SPINDOC: variants seen among roughly 807,000 people sequenced by gnomAD.
SPINDOC encodes spindlin interactor and repressor of chromatin binding, also known as spindlin interactor and repressor of chromatin-binding protein.
SPINDOC carries 13 observed loss-of-function variants against 30.7 expected under a neutral mutation model. The observed-to-expected ratio is 0.42, with a 90% CI of 0.28 to 0.67. The LOEUF is 0.67. Ranked by LOEUF, SPINDOC falls within the 30% of genes least tolerant of loss-of-function variation. The pLI is 0.22. For missense variants in SPINDOC, 438 were observed against 518.0 expected (o/e 0.85, Z 1.50); for synonymous variants, 228 against 211.4 (o/e 1.08, Z -0.68).
intron 1 of SPINDOC, among the ~76,000 whole-genome samples, chr11:63,815,545 TC>T (rs1754114029): frequency 6.6e-6 from 1 of 152,152 alleles, no homozygotes; most frequent in African/African-American, 2.4e-5. Context: ...CCTGGAAGTA[TC>T]TAGCTAGTGG....
Position 63,815,703 on chromosome 11 carries a change from G to A in SPINDOC, c.127+1890G>A, listed in dbSNP as rs564503477. ...CACATTACTAAATGCCACTGCATGC[G>A]AGGAGATACAGATACAGATGCTGGA... On this transcript the variant is annotated intron_variant, in intron 1 of 5. Coordinates refer to ENST00000294244, the MANE Select transcript of SPINDOC (RefSeq NM_138471.3). Among the ~76,000 whole-genome samples the A allele has an allele frequency of 2.6e-5, 4 of 152,088 alleles. No individual in the cohort carries two copies. In the South Asian group the frequency reaches 6.2e-4, roughly 24 times the overall value.
chr11:63,816,448 A>C (rs1455988499), intron 1 of SPINDOC, among the ~76,000 whole-genome samples: 1 of 152,102 alleles, frequency 6.6e-6, no homozygotes, highest in Non-Finnish European at 1.5e-5. Flanking sequence ...AAGAAAGCTG[A>C]TTGCAACTGA....
chr11:63,816,946 T>C lies in SPINDOC; in HGVS notation c.128-859T>C, dbSNP rs61158505. Among the ~76,000 whole-genome samples the C allele has an allele frequency of 3.3e-3, 503 of 152,260 alleles. 2 individuals are homozygous for C. Among genetic ancestry groups the C allele is most frequent in the African/African-American group, 0.012 (488 of 41,550 alleles). Reference sequence around the variant, plus strand: ...ACTTTGGGAGGCTGAAGCAGGAGGATTGCTTGAGCCCGGGAGTTCACAACC... The same window carrying C: ...ACTTTGGGAGGCTGAAGCAGGAGGACTGCTTGAGCCCGGGAGTTCACAACC... On this transcript the variant is annotated intron_variant, in intron 1 of 5. Coordinates refer to ENST00000294244, the MANE Select transcript of SPINDOC (RefSeq NM_138471.3).
chr11:63,824,178 G>A (rs933168010), intron 5 of SPINDOC, among the ~76,000 whole-genome samples: 2 of 152,102 alleles, frequency 1.3e-5, no homozygotes, highest in Admixed American at 1.3e-4. Flanking sequence ...CCAAAGTGCT[G>A]GGATTACAGG....
intron 1 of SPINDOC, among the ~76,000 whole-genome samples, chr11:63,814,252 G>A (rs2015278439): frequency 6.6e-6 from 1 of 152,220 alleles, no homozygotes. Flanking sequence ...GGAGGCTACA[G>A]GCGGGCGCCG....
At chr11:63,819,683 G>A (rs959562044) in intron 5 of SPINDOC, among the ~76,000 whole-genome samples, 1 of 152,030 alleles carries the variant, frequency 6.6e-6, no homozygotes, top group African/African-American at 2.4e-5. Context: ...TTTTAGTAGA[G>A]ACAGGGTTTC....
chr11:63,822,714 C>G, intron 5 of SPINDOC: 1 of 1,288,724 alleles, frequency 7.8e-7, no homozygotes, highest in Admixed American at 2.3e-5. Flanking sequence ...GTCTCCTGGT[C>G]CTCTCCGGTG....
In SPINDOC at chr11:63,818,665, C is replaced by T. The variant is rs746441370; in HGVS notation, c.733+13C>T. The T allele has an allele frequency of 8.1e-6, 13 of 1,613,190 alleles. No individual in the cohort carries two copies. The highest frequency in any genetic ancestry group is 7.7e-5 in the South Asian group (7 of 91,068). On this transcript the variant is annotated intron_variant, in intron 4 of 5. Coordinates refer to ENST00000294244, the MANE Select transcript of SPINDOC (RefSeq NM_138471.3). The surrounding 1 kb of genome is among the most constrained non-coding windows in gnomAD (Gnocchi z 5.3). ...GACCCTGACCCAGGTGAAGGGGAGG[C>T]CCGGGGGAGGCGTGGGCTCTGGCCG...
At chr11:63,816,320 A>G (rs1037258478) in intron 1 of SPINDOC, among the ~76,000 whole-genome samples, 1 of 152,196 alleles carries the variant, frequency 6.6e-6, no homozygotes, top group Non-Finnish European at 1.5e-5. Context: ...CATGCCCTAG[A>G]CGCAAGTGAT....
chr11:63,823,845 G>A (rs1267009575), intron 5 of SPINDOC, among the ~76,000 whole-genome samples: 3 of 151,802 alleles, frequency 2.0e-5, no homozygotes, highest in East Asian at 1.9e-4. Context: ...TGATCTGCCC[G>A]CCTCAACCTC....
rs1316097022 is a variant in SPINDOC at position 63,818,979 on chromosome 11, C to G, written c.911C>G (p.Pro304Arg). The stretch of plus-strand genomic sequence containing the variant: ...AGGGAAGTGGCAGAAGGAGGCCTTC[C>G]CCGGGCGGAGAGCCCCTCTCCAGGT... ...KDREVAEGGL[P>R]RAESPSPAPP... Residue 304 changes from proline to arginine, a missense_variant, in exon 5 of 6, where the codon CCC becomes CGC. Around this residue, in one of 3 missense-constraint regions of SPINDOC, gnomAD observed 300 missense variants for 332.8 expected, o/e 0.90. Transcript: ENST00000294244. The surrounding 1 kb of genome is among the most constrained non-coding windows in gnomAD (Gnocchi z 5.3). The G allele has an allele frequency of 1.9e-6, 3 of 1,613,950 alleles. No homozygotes were observed. The highest frequency in any genetic ancestry group is 2.5e-6 in the Non-Finnish European group (3 of 1,180,024).
At chr11:63,822,485 G>A (rs1320808049) in intron 5 of SPINDOC, 2 of 718,878 alleles carry the variant, frequency 2.8e-6, no homozygotes, top group Non-Finnish European at 4.3e-6. Context: ...TCTTAATTTG[G>A]TTTGTATCCT....
Position 63,813,754 on chromosome 11 carries a change from A to T in SPINDOC, c.68A>T (p.Glu23Val). 1.3e-6 allele frequency: 2 copies of T among 1,592,790 alleles called. No individual in the cohort carries two copies. The highest frequency in any genetic ancestry group is 1.7e-6 in the Non-Finnish European group (2 of 1,170,908). Residue 23 changes from glutamate to valine, a missense_variant, in exon 1 of 6, where the codon GAG (glutamate) becomes GTG (valine). Around this residue, in one of 3 missense-constraint regions of SPINDOC, gnomAD observed 129 missense variants for 152.7 expected, o/e 0.84. Transcript: ENST00000294244. ...GTGACGCTGAAATGCGAGGAAGGGG[A>T]GGACGAGGAGGAGGCCATGGTGGTG... Reference protein sequence around the residue: ...FEVTLKCEEGEDEEEAMVVAV... With the variant: ...FEVTLKCEEGVDEEEAMVVAV...
intron 1 of SPINDOC, among the ~76,000 whole-genome samples, chr11:63,815,006 T>TAGC (rs10692457): frequency 0.24 from 36,595 of 151,994 alleles, 7,365 homozygotes; most frequent in African/African-American, 0.55. Context: ...TGGGAAGTAG[T>TAGC]AGTAAACAGA....
intron 5 of SPINDOC, chr11:63,823,237 A>G: frequency 7.8e-7 from 1 of 1,286,286 alleles, no homozygotes; most frequent in Non-Finnish European, 1.0e-6. Flanking sequence ...GATCTCACGA[A>G]CCCAAAGCTT....
intron 1 of SPINDOC, 101 bp downstream of exon 1, chr11:63,813,914 C>G (rs1355014085): frequency 4.4e-6 from 6 of 1,361,342 alleles, no homozygotes; most frequent in Admixed American, 6.7e-5. Flanking sequence ...CTTCTCACCC[C>G]CTTCAGCCTT....
intron 5 of SPINDOC, among the ~76,000 whole-genome samples, chr11:63,824,612 ATG>A (rs1491025474): frequency 3.7e-5 from 2 of 53,512 alleles, no homozygotes; most frequent in East Asian, 4.4e-3. Flanking sequence ...TTTCAATGAC[ATG>A]TGTGTGCTCA....
At chr11:63,826,756 C>T (rs138808490) in intron 5 of SPINDOC, among the ~76,000 whole-genome samples, 172 bp from the exon 6 acceptor site, 1 of 152,318 alleles carries the variant, frequency 6.6e-6, no homozygotes, top group Non-Finnish European at 1.5e-5. Flanking sequence ...CCTCGATCAC[C>T]CAGGAGTGGA....
chr11:63,813,611 C>T lies in SPINDOC; in HGVS notation c.-76C>T, dbSNP rs2135128046. Reference sequence around the variant, plus strand: ...GCCCGGCGCTATTCCGGCCAGGAGGCGGGAGGCGGTTGCCGGCTGCGCGCC... The same window carrying T: ...GCCCGGCGCTATTCCGGCCAGGAGGTGGGAGGCGGTTGCCGGCTGCGCGCC... On this transcript the variant is annotated 5_prime_UTR_variant, in exon 1 of 6. Coordinates refer to ENST00000294244, the MANE Select transcript of SPINDOC (RefSeq NM_138471.3). 3.7e-6 allele frequency: 5 copies of T among 1,362,152 alleles called. No individual in the cohort carries two copies. The highest frequency in any genetic ancestry group is 4.8e-6 in the Non-Finnish European group (5 of 1,047,954). The allele number at this position is 1,362,152 out of a possible 1,614,324, so 84.4% of individuals were successfully genotyped here.
Sources: allele counts gnomAD v4.1 joint callset (sites outside exome capture counted in the v4.1 genomes callset), GRCh38; gene constraint gnomAD v4.1.1; regional missense constraint gnomAD v4.1.1; non-coding constraint Gnocchi (gnomAD v3.1); transcripts MANE v1.5; gene names NCBI Gene and HGNC (gene_info 2026-07-23, HGNC 2026-07-21).